PRXL2A: variants seen among roughly 807,000 people sequenced by gnomAD.
PRXL2A encodes peroxiredoxin like 2A.
Under a neutral mutation model 25.6 loss-of-function variants are expected in PRXL2A, and 26 were observed. The ratio of observed to expected loss-of-function variants is 1.02; its 90% CI spans 0.74 to 1.41. PRXL2A has a LOEUF of 1.41. PRXL2A is among the 40% of genes most tolerant of loss of function. The pLI, the probability that PRXL2A is intolerant of heterozygous loss-of-function variation, is 0.00. For synonymous variants in PRXL2A, 98 were observed against 102.9 expected, an observed-to-expected ratio of 0.95 and a Z score of 0.29; for missense variants, 246 against 273.9, an observed-to-expected ratio of 0.90 and a Z score of 0.72.
At position 80,426,023 on chromosome 10, in the gene PRXL2A, G is replaced by T. The variant is rs764944371; in HGVS notation, c.411+17G>T. ...GATGAAAAGGTGTGTGTGATGGGAG[G>T]CTTTTAGACACAGACTGCTGGGGAT... On this transcript the variant is annotated intron_variant, in intron 4 of 5. Coordinates refer to ENST00000606162, the MANE Select transcript of PRXL2A (RefSeq NM_032333.5). 6.2e-7 allele frequency: 1 copy of T among 1,613,918 alleles called. No homozygotes were observed. Among genetic ancestry groups the T allele is most frequent in the Non-Finnish European group, 8.5e-7 (1 of 1,179,970 alleles).
At position 80,425,946 on chromosome 10, in the gene PRXL2A, C is replaced by T; in HGVS notation, c.351C>T (p.Ile117=). Residue 117 remains isoleucine (I), a synonymous_variant, in exon 4 of 6, where the codon ATC becomes ATT. Transcript: ENST00000606162. The part of the protein sequence containing the change: ...VPLYAVVKEH[I]RTEVKDFQPY... ...TCTATGCAGTGGTAAAGGAGCACAT[C>T]AGGACTGAAGTGAAGGATTTCCAGC... The T allele has an allele frequency of 1.9e-6, 3 of 1,614,252 alleles. No homozygotes were observed. The highest frequency in any genetic ancestry group is 2.5e-6 in the Non-Finnish European group (3 of 1,180,042).
chr10:80,420,696 A>C, intron 2 of PRXL2A, 51 bp downstream of exon 2: 1 of 1,317,198 alleles, frequency 7.6e-7, no homozygotes, highest in Non-Finnish European at 1.0e-6. Context: ...GCTGGGATAC[A>C]GGCTTACTGC....
At position 80,435,300 on chromosome 10, in the gene PRXL2A, G is replaced by T. The variant is rs1389710566; in HGVS notation, c.*3201G>T. On this transcript the variant is annotated 3_prime_UTR_variant, in exon 6 of 6. Coordinates refer to ENST00000606162, the MANE Select transcript of PRXL2A (RefSeq NM_032333.5). ...CTTTTGGCAGCCTTGAGCTTCCCCA[G>T]GCAGGGACCCAAAGGGGCCTGGGTT... 4.6e-5 allele frequency: 7 copies of T among 152,188 alleles called. No homozygotes were observed. Among genetic ancestry groups the T allele is most frequent in the African/African-American group, 1.7e-4 (7 of 41,434 alleles). The allele number at this position is 152,188 out of a possible 1,614,324, so 9.4% of individuals were successfully genotyped here.
At chr10:80,431,499 T>C (rs4934153) in intron 5 of PRXL2A, among the ~76,000 whole-genome samples, 120,786 of 151,920 alleles carry the variant, frequency 0.8, 48,875 homozygotes, top group East Asian at 0.97. Context: ...TTTTTTTCAC[T>C]GTATGAGAAG....
rs1482030689 is a variant in PRXL2A, at chr10:80,433,991, G to A, written c.*1892G>A. Reference sequence around the variant, plus strand: ...TACTAAAAATACAAAATATTAGACAGACGGGGTGGTACATGCCTGTAATCC... The same window carrying A: ...TACTAAAAATACAAAATATTAGACAAACGGGGTGGTACATGCCTGTAATCC... On this transcript the variant is annotated 3_prime_UTR_variant, in exon 6 of 6. Coordinates refer to ENST00000606162, the MANE Select transcript of PRXL2A (RefSeq NM_032333.5). 1 of 152,224 alleles carries A rather than the reference G, an allele frequency of 6.6e-6. No homozygotes were observed. Among genetic ancestry groups the A allele is most frequent in the Non-Finnish European group, 1.5e-5 (1 of 68,076 alleles). 9.4% of individuals were successfully genotyped at this position (152,224 alleles called of 1,614,324 possible).
Position 80,427,453 on chromosome 10 carries a change from G to C in PRXL2A, c.533G>C (p.Gly178Ala), listed in dbSNP as rs142605674. The C allele has an allele frequency of 1.4e-5, 23 of 1,614,064 alleles. No individual in the cohort carries two copies. Among genetic ancestry groups the C allele is most frequent in the South Asian group, 5.5e-5 (5 of 91,094 alleles). ...TTCTCTGGAAACCTGGAAGGAGAAG[G>C]CTTCATCCTTGGGGGAGTTTTCGTG... ...GGFSGNLEGEGFILGGVFVVG... is the reference protein window; with the variant it reads ...GGFSGNLEGEAFILGGVFVVG... The change falls in exon 5 of 6, where the codon GGC becomes GCC. Residue 178 changes from glycine (G) to alanine (A), a missense_variant. By Grantham distance (60) the Gly-to-Ala change is moderately conservative. Transcript: ENST00000606162.
At chr10:80,425,176 G>A (rs1204339887) in intron 3 of PRXL2A, among the ~76,000 whole-genome samples, 1 of 152,196 alleles carries the variant, frequency 6.6e-6, no homozygotes, top group Non-Finnish European at 1.5e-5. Flanking sequence ...TAATGTTGAA[G>A]CTTTACCATG....
chr10:80,412,324 A>G (rs1844503648), intron 1 of PRXL2A, among the ~76,000 whole-genome samples: 3 of 152,202 alleles, frequency 2.0e-5, no homozygotes, highest in Admixed American at 2.0e-4. Flanking sequence ...TTTCTTTAAT[A>G]TCAAGCCAGC....
intron 1 of PRXL2A, among the ~76,000 whole-genome samples, chr10:80,418,448 C>T (rs1226880181): frequency 1.3e-5 from 2 of 152,142 alleles, no homozygotes; most frequent in Non-Finnish European, 2.9e-5. Flanking sequence ...TCACCACCAA[C>T]TCACTCCCAC....
chr10:80,413,729 TG>T, intron 1 of PRXL2A: 1 of 472,456 alleles, frequency 2.1e-6, no homozygotes, highest in Non-Finnish European at 2.8e-6. Flanking sequence ...CCAGGGTTTC[TG>T]GGTGGCCTGG....
At chr10:80,429,895 T>C (rs1845190011) in intron 5 of PRXL2A, among the ~76,000 whole-genome samples, 1 of 152,150 alleles carries the variant, frequency 6.6e-6, no homozygotes. Context: ...CGATGACTCA[T>C]CTGGTGCTCA....
chr10:80,408,957 C>G (rs1442400481), intron 1 of PRXL2A: 1 of 901,656 alleles, frequency 1.1e-6, no homozygotes, highest in Non-Finnish European at 1.3e-6. Flanking sequence ...GCCCGCAAGC[C>G]TTGAGTGACG....
intron 4 of PRXL2A, among the ~76,000 whole-genome samples, chr10:80,426,768 C>G (rs1845055046): frequency 6.6e-6 from 1 of 152,208 alleles, no homozygotes; most frequent in Admixed American, 6.5e-5. Context: ...GAATTGAAAG[C>G]TACGGATGTC....
At position 80,421,500 on chromosome 10, in the gene PRXL2A, A is replaced by G. The variant is rs113773836; in HGVS notation, c.178+855A>G. ...GTTTAGTAAGTAAGGAAGCTTGCGA[A>G]AGGAAGGCAGGAGATTGTGCAGGTT... On this transcript the variant is annotated intron_variant, in intron 2 of 5. Transcript: ENST00000606162. Among the ~76,000 whole-genome samples, 285 of 152,320 alleles carry G rather than the reference A, an allele frequency of 1.9e-3. 3 individuals are homozygous for G. Among genetic ancestry groups the G allele is most frequent in the African/African-American group, 6.7e-3 (279 of 41,564 alleles).
chr10:80,427,406 C>T lies in PRXL2A; in HGVS notation c.486C>T (p.Phe162=), dbSNP rs1391677751. 1.9e-6 allele frequency: 3 copies of T among 1,614,174 alleles called. No homozygotes were observed. Among genetic ancestry groups the T allele is most frequent in the East Asian group, 4.5e-5 (2 of 44,880 alleles). Residue 162 remains phenylalanine, a synonymous_variant, in exon 5 of 6, where the codon TTC becomes TTT. Coordinates refer to ENST00000606162, the MANE Select transcript of PRXL2A (RefSeq NM_032333.5). The part of the protein sequence containing the change: ...GFIRLGVWYN[F]FRAWNGGFSG... ...TCCGTCTGGGAGTGTGGTACAACTT[C>T]TTCCGAGCCTGGAACGGAGGCTTCT...
chr10:80,420,102 G>A, intron 1 of PRXL2A: 1 of 990,636 alleles, frequency 1.0e-6, no homozygotes, highest in African/African-American at 1.7e-5. Context: ...AGGGGAATGA[G>A]GAAGTAGTCT....
chr10:80,411,931 A>T (rs35117401), intron 1 of PRXL2A, among the ~76,000 whole-genome samples: 2,450 of 152,266 alleles, frequency 0.016, 27 homozygotes, highest in Middle Eastern at 0.027. Context: ...TACTTGTTTC[A>T]GACATGATTT....
chr10:80,422,399 C>CT lies in PRXL2A; in HGVS notation c.179-11dup, dbSNP rs776416143. ...TGGGCTGGGAGGAGATATCGAATTT[C>CT]TTTTTTTCCTCTCTTAGAACCAAGG... On this transcript the variant is annotated splice_polypyrimidine_tract_variant and intron_variant, in intron 2 of 5. Transcript: ENST00000606162. The CT allele has an allele frequency of 2.8e-5, 45 of 1,603,804 alleles. No individual in the cohort carries two copies. Among genetic ancestry groups the CT allele is most frequent in the Non-Finnish European group, 3.8e-5 (45 of 1,170,992 alleles).
chr10:80,422,592 A>G (rs1315394223), intron 3 of PRXL2A, 84 bp downstream of exon 3: 1 of 1,061,376 alleles, frequency 9.4e-7, no homozygotes, highest in Admixed American at 2.1e-5. Context: ...AAGGGTCGGT[A>G]AGCCAGCTTT....
Sources: allele counts gnomAD v4.1 joint callset (sites outside exome capture counted in the v4.1 genomes callset), GRCh38; gene constraint gnomAD v4.1.1; transcripts MANE v1.5; gene names NCBI Gene and HGNC (gene_info 2026-07-23, HGNC 2026-07-21).